Variants in RALYL observed in about 807,000 individuals in gnomAD.
The protein encoded by RALYL is RNA-binding Raly-like protein.
Under a neutral mutation model 35.1 loss-of-function variants are expected in RALYL, and 29 were observed. The ratio of observed to expected loss-of-function variants is 0.83; its 90% CI spans 0.61 to 1.13. The LOEUF (loss-of-function observed/expected upper bound fraction) is 1.13. Among genes scored for constraint, RALYL ranks in the 50% most tolerant of loss-of-function variants. The probability of loss-of-function intolerance (pLI) is 0.00; values close to 1 mark genes in which losing one functional copy is unlikely to be tolerated. For missense variants in RALYL, 359 were observed against 360.4 expected, an observed-to-expected ratio of 1.00 and a Z score of 0.03; for synonymous variants, 120 against 127.6, an observed-to-expected ratio of 0.94 and a Z score of 0.40.
At chr8:84,203,175 GA>G (rs1817301543) in intron 1 of RALYL, among the ~76,000 whole-genome samples, 1 of 152,140 alleles carries the variant, frequency 6.6e-6, no homozygotes, top group Admixed American at 6.5e-5. Context: ...CCTTTCTAGG[GA>G]AAAGGAGATG....
chr8:84,860,012 A>G (rs1281100550), intron 5 of RALYL, among the ~76,000 whole-genome samples: 1 of 152,232 alleles, frequency 6.6e-6, no homozygotes, highest in African/African-American at 2.4e-5. Flanking sequence ...AAAGCATATC[A>G]TAAATACAGT....
At chr8:84,220,515 T>C (rs1018095003) in intron 1 of RALYL, among the ~76,000 whole-genome samples, 1 of 150,878 alleles carries the variant, frequency 6.6e-6, no homozygotes, top group African/African-American at 2.5e-5. Flanking sequence ...TGGTTTTAAA[T>C]ACTTTTATTG....
chr8:84,571,519 A>G (rs1281725117), intron 2 of RALYL, among the ~76,000 whole-genome samples: 11 of 151,610 alleles, frequency 7.3e-5, no homozygotes, highest in Admixed American at 7.2e-4. Flanking sequence ...TGCTTAAGCT[A>G]GGTAGTGGTC....
intron 2 of RALYL, among the ~76,000 whole-genome samples, chr8:84,620,838 C>T (rs1211704591): frequency 2.0e-5 from 3 of 152,026 alleles, no homozygotes; most frequent in African/African-American, 4.8e-5. Context: ...TGCAGGTCTG[C>T]TGGAGTACCC....
intron 2 of RALYL, among the ~76,000 whole-genome samples, chr8:84,545,365 T>C (rs1022236340): frequency 1.3e-4 from 20 of 152,168 alleles, no homozygotes; most frequent in African/African-American, 4.8e-4. Context: ...ACAGTCCTAC[T>C]CCATGCTGTT....
At chr8:84,580,970 T>C (rs1348648564) in intron 2 of RALYL, among the ~76,000 whole-genome samples, 1 of 152,132 alleles carries the variant, frequency 6.6e-6, no homozygotes, top group Non-Finnish European at 1.5e-5. Flanking sequence ...TTCACTCACA[T>C]ATCTGTTGCC....
chr8:84,775,610 G>A (rs1270200935), intron 3 of RALYL, among the ~76,000 whole-genome samples: 2 of 152,176 alleles, frequency 1.3e-5, no homozygotes, highest in Non-Finnish European at 2.9e-5. Flanking sequence ...TTGGGTCTGA[G>A]TCACTTAACA....
At chr8:84,483,582 G>A (rs1255911737) in intron 1 of RALYL, among the ~76,000 whole-genome samples, 1 of 152,030 alleles carries the variant, frequency 6.6e-6, no homozygotes, top group East Asian at 1.9e-4. Flanking sequence ...TTGTCCTTAA[G>A]CTTAATTTTG....
intron 2 of RALYL, among the ~76,000 whole-genome samples, chr8:84,600,712 A>C (rs1372192146): frequency 2.6e-5 from 4 of 152,102 alleles, no homozygotes; most frequent in Non-Finnish European, 5.9e-5. Context: ...GGGGATTTTT[A>C]AAAATTACTT....
intron 1 of RALYL, among the ~76,000 whole-genome samples, chr8:84,375,652 CT>C (rs1856769888): frequency 6.6e-6 from 1 of 151,764 alleles, no homozygotes. Flanking sequence ...CAAATTCATG[CT>C]TTTTTGAGGA....
At chr8:84,574,652 G>A (rs1237724773) in intron 2 of RALYL, among the ~76,000 whole-genome samples, 4 of 151,968 alleles carry the variant, frequency 2.6e-5, no homozygotes, top group Non-Finnish European at 5.9e-5. Context: ...TCTTGTCTCT[G>A]TTTTCTCAGT....
At chr8:84,367,139 CTTTTTTT>C (rs577327966) in intron 1 of RALYL, among the ~76,000 whole-genome samples, 1 of 136,834 alleles carries the variant, frequency 7.3e-6, no homozygotes, top group Non-Finnish European at 1.6e-5. Context: ...TTTCTTTTTT[CTTTTTTT>C]TTTTTTTGAG....
At chr8:84,369,042 A>C (rs1425662667) in intron 1 of RALYL, among the ~76,000 whole-genome samples, 1 of 152,172 alleles carries the variant, frequency 6.6e-6, no homozygotes, top group Non-Finnish European at 1.5e-5. Flanking sequence ...TATATGCATA[A>C]GGGATTTTGA....
At chr8:84,754,915 A>G (rs1811019067) in intron 2 of RALYL, among the ~76,000 whole-genome samples, 1 of 152,148 alleles carries the variant, frequency 6.6e-6, no homozygotes, top group South Asian at 2.1e-4. Context: ...CCAAACCACT[A>G]TGAGGTGGTA....
intron 2 of RALYL, among the ~76,000 whole-genome samples, chr8:84,573,477 T>C (rs1171470328): frequency 6.6e-6 from 1 of 151,868 alleles, no homozygotes; most frequent in African/African-American, 2.4e-5. Context: ...ACTTTCAAAA[T>C]TTTCTTTTTT....
chr8:84,522,767 C>A (rs1312383056), intron 1 of RALYL, among the ~76,000 whole-genome samples: 1 of 152,128 alleles, frequency 6.6e-6, no homozygotes, highest in Non-Finnish European at 1.5e-5. Flanking sequence ...ATGATCCATT[C>A]TTTCTTAGTC....
chr8:84,227,657 C>T (rs1824275160), intron 1 of RALYL, among the ~76,000 whole-genome samples: 1 of 151,976 alleles, frequency 6.6e-6, no homozygotes, highest in Admixed American at 6.6e-5. Context: ...ATTAGAGTCA[C>T]ACTATGTGAT....
At chr8:84,900,491 A>G (rs914969093) in intron 8 of RALYL, among the ~76,000 whole-genome samples, 1 of 152,120 alleles carries the variant, frequency 6.6e-6, no homozygotes, top group Non-Finnish European at 1.5e-5. Context: ...AGCCTGACCA[A>G]CATGGAGAAA....
At chr8:84,505,674 G>A (rs2057109168) in intron 1 of RALYL, among the ~76,000 whole-genome samples, 1 of 151,636 alleles carries the variant, frequency 6.6e-6, no homozygotes, top group Non-Finnish European at 1.5e-5. Context: ...AGGGAGCATA[G>A]AACCCAATAG....
Sources: allele counts gnomAD v4.1 joint callset (sites outside exome capture counted in the v4.1 genomes callset), GRCh38; gene constraint gnomAD v4.1.1; transcripts MANE v1.5; gene names NCBI Gene and HGNC (gene_info 2026-07-23, HGNC 2026-07-21).